PIEZO1: variants seen among roughly 807,000 people sequenced by gnomAD.
The protein encoded by PIEZO1 is piezo-type mechanosensitive ion channel component 1.
PIEZO1 carries 296 observed loss-of-function variants against 297.2 expected under a neutral mutation model. The ratio of observed to expected loss-of-function variants is 1.00; its 90% confidence interval spans 0.91 to 1.10. The LOEUF is 1.10. Ranked by LOEUF, PIEZO1 falls within the 50% of genes least tolerant of loss-of-function variation. PIEZO1 has a pLI of 0.00. For synonymous variants in PIEZO1, 2,427 were observed against 1,507.5 expected (o/e 1.61, Z -14.13); for missense variants, 5,018 against 3,455.5 (o/e 1.45, Z -11.34).
At chr16:88,738,547 G>GC in intron 6 of PIEZO1, 21 bp downstream of exon 6, 9 of 1,531,182 alleles carry the variant, frequency 5.9e-6, no homozygotes, top group Non-Finnish European at 7.9e-6. Flanking sequence ...GACTGCCAGT[G>GC]CCCCCTGCCT....
Position 88,749,313 on chromosome 16 carries a change from C to T in PIEZO1, c.160+71G>A, listed in dbSNP as rs534855812. On this transcript the variant is annotated intron_variant, in intron 2 of 50. Transcript: ENST00000301015. ...GCTGTTAAAGGTGAGGAAAGCTGTA[C>T]GAATTTTGGCCCCAAACGAATGCCC... is the stretch of plus-strand genomic sequence containing the variant. 4.6e-5 allele frequency: 46 copies of T among 1,002,930 alleles called. No individual in the cohort carries two copies. The Admixed American group carries it at 5.8e-4, about 13-fold the overall frequency. 62.1% of individuals were successfully genotyped at this position (1,002,930 alleles called of 1,614,324 possible). A position where few individuals can be genotyped will look rare whatever the true frequency, so the allele number is the denominator to read the frequency against.
rs1001652055 is a variant in PIEZO1 at position 88,734,739 on chromosome 16, G to A, written c.1908C>T (p.Tyr636=). ...AGACGGCGATGAGGACCAGCATGGT[G>A]TAGGCCACCACGAGCCACCAGAAGG... ...LKAFWWLVVA[Y]TMLVLIAVYT... is the part of the protein sequence containing the mutation. The change falls in exon 15 of 51, where the codon TAC becomes TAT. Residue 636 remains tyrosine, a synonymous_variant. Coordinates refer to ENST00000301015, the MANE Select transcript of PIEZO1 (RefSeq NM_001142864.4). 38 of 1,550,280 alleles carry A rather than the reference G, an allele frequency of 2.5e-5. No homozygotes were observed. Among genetic ancestry groups the A allele is most frequent in the African/African-American group, 2.3e-4 (17 of 73,168 alleles).
chr16:88,749,053 C>G (rs549546344), intron 2 of PIEZO1, among the ~76,000 whole-genome samples: 1 of 150,810 alleles, frequency 6.6e-6, no homozygotes, highest in Non-Finnish European at 1.5e-5. Context: ...CTGGCTATCA[C>G]GGTGAAACCC....
chr16:88,753,402 C>T (rs550562772), intron 1 of PIEZO1, among the ~76,000 whole-genome samples: 7 of 150,820 alleles, frequency 4.6e-5, no homozygotes, highest in South Asian at 2.1e-4. Context: ...TGGTCCCTGG[C>T]GCCATCTTCT....
In PIEZO1 at chr16:88,733,182, G is replaced by T. The variant is rs796217870; in HGVS notation, c.2664+96C>A. On this transcript the variant is annotated intron_variant, in intron 19 of 50. Transcript: ENST00000301015. ...GGAGAGTCCTCCATCTCCATTGCTG[G>T]CCCCACTGCACTGAGGCAGCTGCCC... 6.1e-6 allele frequency: 7 copies of T among 1,143,462 alleles called. No individual in the cohort carries two copies. The African/African-American group carries it at 1.1e-4, about 18-fold the overall frequency. The allele number at this position is 1,143,462 out of a possible 1,614,324, so 70.8% of individuals were successfully genotyped here.
Position 88,726,756 on chromosome 16 carries a change from G to C in PIEZO1, c.3658C>G (p.Leu1220Val), listed in dbSNP as rs1386189963. The change falls in exon 25 of 51, where the codon CTG becomes GTG. Residue 1220 changes from leucine (L) to valine (V), a missense_variant. Leu to Val is a conservative substitution (Grantham distance 32, BLOSUM62 1). Coordinates refer to ENST00000301015, the MANE Select transcript of PIEZO1 (RefSeq NM_001142864.4). ...GAGATGATGACGGTGACGTTGTACA[G>C]AATGAGGCAGTCCCACAGCACGAGG... ...ARLVLWDCLI[L>V]YNVTVIISKN... The C allele has an allele frequency of 1.9e-6, 3 of 1,550,168 alleles. No homozygotes were observed. Among genetic ancestry groups the C allele is most frequent in the South Asian group, 1.2e-5 (1 of 84,058 alleles).
chr16:88,784,531 C>G (rs1352980309), intron 1 of PIEZO1, among the ~76,000 whole-genome samples: 1 of 152,056 alleles, frequency 6.6e-6, no homozygotes, highest in African/African-American at 2.4e-5. Flanking sequence ...ATTCGTGCTC[C>G]CCCCACCACC....
rs35514587 is a variant in PIEZO1 at position 88,715,509 on chromosome 16, C to CGG, written c.*94_*95dup. 4.7e-6 allele frequency: 6 copies of CGG among 1,287,494 alleles called. No individual in the cohort carries two copies. Among genetic ancestry groups the CGG allele is most frequent in the Non-Finnish European group, 6.4e-6 (6 of 936,610 alleles). 79.8% of individuals were successfully genotyped at this position (1,287,494 alleles called of 1,614,324 possible). A position where few individuals can be genotyped will look rare whatever the true frequency, so the allele number is the denominator to read the frequency against. ...ATGCATCACAGCTGGCGGCCTTGGA[C>CGG]GGGGCAGTGGCTCCCCCGGCCTGAG... On this transcript the variant is annotated 3_prime_UTR_variant, in exon 51 of 51. Coordinates refer to ENST00000301015, the MANE Select transcript of PIEZO1 (RefSeq NM_001142864.4).
intron 1 of PIEZO1, among the ~76,000 whole-genome samples, chr16:88,759,116 G>A (rs554321230): frequency 1.3e-5 from 2 of 152,220 alleles, no homozygotes; most frequent in Non-Finnish European, 2.9e-5. Flanking sequence ...AAAAGGAAAA[G>A]GACTGGAGGA....
chr16:88,722,475 G>A (rs780792674), intron 35 of PIEZO1, 78 bp from the exon 36 acceptor site: 23 of 1,441,464 alleles, frequency 1.6e-5, no homozygotes, highest in Non-Finnish European at 2.1e-5. Context: ...AGGGTGGAAA[G>A]TGCCCACGGT....
In PIEZO1 at chr16:88,769,253, T is replaced by C. The variant is rs570380579; in HGVS notation, c.64+15648A>G. 2.6e-5 allele frequency among the ~76,000 whole-genome samples: 4 copies of C among 152,324 alleles called. No individual in the cohort carries two copies. In the East Asian group the frequency reaches 7.7e-4, roughly 29 times the overall value. On this transcript the variant is annotated intron_variant, in intron 1 of 50. Coordinates refer to ENST00000301015, the MANE Select transcript of PIEZO1 (RefSeq NM_001142864.4). Reference sequence around the variant, plus strand: ...GTAAATAATGACGGGGGTCTCACTATGTTACCCAGGCTGCTCTCAAACTCC... The same window carrying C: ...GTAAATAATGACGGGGGTCTCACTACGTTACCCAGGCTGCTCTCAAACTCC...
intron 44 of PIEZO1, chr16:88,717,905 G>A (rs374711555): frequency 5.0e-6 from 2 of 397,136 alleles, no homozygotes; most frequent in Non-Finnish European, 9.8e-6. Flanking sequence ...TCAGGAGTTT[G>A]AGACGAACCT....
chr16:88,741,211 C>A, intron 5 of PIEZO1: 1 of 380,508 alleles, frequency 2.6e-6, no homozygotes, highest in Non-Finnish European at 4.8e-6. Flanking sequence ...AATAATTCCC[C>A]TGTGAAGAGT....
Position 88,784,972 on chromosome 16 carries a change from G to A in PIEZO1, c.-8C>T. ...GAGCACGTGCGGCTCCATGGCTGGAGGGCCCAGGGCCCGGCCCAGACCGAG... is the reference window on the plus strand; with the variant it reads ...GAGCACGTGCGGCTCCATGGCTGGAAGGCCCAGGGCCCGGCCCAGACCGAG... On this transcript the variant is annotated 5_prime_UTR_variant, in exon 1 of 51. Transcript: ENST00000301015. 1 of 1,334,642 alleles carries A rather than the reference G, an allele frequency of 7.5e-7. No individual in the cohort carries two copies. Among genetic ancestry groups the A allele is most frequent in the Non-Finnish European group, 9.7e-7 (1 of 1,034,122 alleles). 82.7% of individuals were successfully genotyped at this position (1,334,642 alleles called of 1,614,324 possible). A position where few individuals can be genotyped will look rare whatever the true frequency, so the allele number is the denominator to read the frequency against.
chr16:88,726,772 C>T lies in PIEZO1; in HGVS notation c.3642G>A (p.Leu1214=), dbSNP rs549590997. 4 of 1,550,202 alleles carry T rather than the reference C, an allele frequency of 2.6e-6. No individual in the cohort carries two copies. Among genetic ancestry groups the T allele is most frequent in the East Asian group, 4.9e-5 (2 of 40,902 alleles). Residue 1214 remains leucine, a synonymous_variant, in exon 25 of 51, where the codon CTG becomes CTA. Coordinates refer to ENST00000301015, the MANE Select transcript of PIEZO1 (RefSeq NM_001142864.4). ...LQRDTRARLV[L]WDCLILYNVT... ...CGTTGTACAGAATGAGGCAGTCCCA[C>T]AGCACGAGGCGGGCCCGTGTGTCCC...
In PIEZO1 at chr16:88,741,531, T is replaced by C; in HGVS notation, c.412A>G (p.Ile138Val). Residue 138 changes from isoleucine (I) to valine (V), a missense_variant, in exon 5 of 51, where the codon ATC becomes GTC. Physicochemically the swap from Ile to Val is conservative, Grantham distance 29. Transcript: ENST00000301015. ...GTGTTCCTTGCAAGGCGCCCGCAGA[T>C]GCCGAGGCAGACAGAGGAGACCACC... The part of the protein sequence containing the change: ...ILVVSSVCLG[I>V]CGRLARNTRQ... 6.5e-7 allele frequency: 1 copy of C among 1,535,664 alleles called. No homozygotes were observed. Among genetic ancestry groups the C allele is most frequent in the Non-Finnish European group, 8.7e-7 (1 of 1,146,778 alleles).
At chr16:88,780,710 C>G (rs1907890919) in intron 1 of PIEZO1, among the ~76,000 whole-genome samples, 2 of 152,240 alleles carry the variant, frequency 1.3e-5, no homozygotes, top group Admixed American at 1.3e-4. Context: ...CCTGTAACCC[C>G]AGCACTTTTG....
chr16:88,775,972 G>A (rs17176239), intron 1 of PIEZO1, among the ~76,000 whole-genome samples: 47,950 of 152,040 alleles, frequency 0.32, 7,945 homozygotes, highest in East Asian at 0.44. Flanking sequence ...CACGGGAGGC[G>A]CCAACCAGAG....
rs1194573340 is a variant in PIEZO1 at position 88,731,794 on chromosome 16, G to A, written c.3108C>T (p.Arg1036=). The A allele has an allele frequency of 1.0e-5, 16 of 1,549,178 alleles. No homozygotes were observed. The highest frequency in any genetic ancestry group is 3.9e-5 in the Admixed American group (2 of 50,908). The part of the protein sequence containing the change: ...LTRRHRQAIA[R]LWPNYCLFLA... The stretch of plus-strand genomic sequence containing the variant: ...GGAAGAGGCAGTAGTTGGGCCAGAG[G>A]CGGGCAATGGCCTGGCGGTGCCTGC... The change falls in exon 22 of 51, where the codon CGC becomes CGT. Residue 1036 remains arginine (R), a synonymous_variant. Transcript: ENST00000301015.
Sources: gnomAD v4.1 joint callset for allele counts (sites outside exome capture counted in the v4.1 genomes callset) on GRCh38, gnomAD v4.1.1 for gene constraint, MANE v1.5 for transcripts, NCBI Gene and HGNC (gene_info 2026-07-23, HGNC 2026-07-21) for gene names.